The following COL9A1 variants were observed in gnomAD, a reference collection of about 807,000 sequenced individuals.
COL9A1 encodes collagen alpha-1(IX) chain.
COL9A1 carries 104 observed loss-of-function variants against 142.6 expected under a neutral mutation model. The observed-to-expected ratio is 0.73, with a 90% confidence interval of 0.62 to 0.86. The LOEUF is 0.86. Ranked by LOEUF, COL9A1 falls within the 40% of genes least tolerant of loss-of-function variation. The pLI is 0.00. For missense variants in COL9A1, 1,210 were observed against 1,176.6 expected (o/e 1.03, Z -0.42); for synonymous variants, 466 against 396.0 (o/e 1.18, Z -2.10).
intron 37 of COL9A1, among the ~76,000 whole-genome samples, chr6:70,220,354 T>TTAACTCTG (rs1768794656): frequency 6.7e-6 from 1 of 149,834 alleles, no homozygotes; most frequent in Non-Finnish European, 1.5e-5. Flanking sequence ...ATTGATTTTT[T>TTAACTCTG]TAACTCTGTG....
intron 36 of COL9A1, among the ~76,000 whole-genome samples, chr6:70,228,404 G>A (rs1769360875): frequency 6.6e-6 from 1 of 152,028 alleles, no homozygotes; most frequent in Non-Finnish European, 1.5e-5. Context: ...CTTTGTTGAA[G>A]GCATTATCCC....
At chr6:70,234,300 A>G (rs1333859370) in intron 35 of COL9A1, among the ~76,000 whole-genome samples, 1 of 104,404 alleles carries the variant, frequency 9.6e-6, no homozygotes, top group African/African-American at 2.7e-5. Flanking sequence ...AAAACAAAAC[A>G]AAACAAAAAA....
At chr6:70,290,431 A>C (rs1206605638) in intron 5 of COL9A1, among the ~76,000 whole-genome samples, 3 of 152,122 alleles carry the variant, frequency 2.0e-5, no homozygotes, top group Non-Finnish European at 4.4e-5. Flanking sequence ...ACAGCAGTGC[A>C]TTGGGAAAAA....
chr6:70,264,547 A>G (rs1409822534), intron 18 of COL9A1, among the ~76,000 whole-genome samples: 1 of 151,950 alleles, frequency 6.6e-6, no homozygotes, highest in African/African-American at 2.4e-5. Context: ...TTCTACTTCT[A>G]TTTCCCTACA....
intron 18 of COL9A1, 128 bp downstream of exon 18, chr6:70,266,589 A>C: frequency 1.2e-6 from 1 of 809,440 alleles, no homozygotes. Context: ...AGAACTTATC[A>C]ATCATTATTT....
In COL9A1 at chr6:70,283,825, A is replaced by G; in HGVS notation, c.697-5T>C. The G allele has an allele frequency of 6.2e-7, 1 of 1,600,798 alleles. No homozygotes were observed. The highest frequency in any genetic ancestry group is 1.1e-5 in the South Asian group (1 of 88,514). On this transcript the variant is annotated splice_polypyrimidine_tract_variant and splice_region_variant and intron_variant, in intron 5 of 37. Coordinates refer to ENST00000357250, the MANE Select transcript of COL9A1 (RefSeq NM_001851.6). The stretch of plus-strand genomic sequence containing the variant: ...CAGCATCCATTGAAGTTCAAACTGG[A>G]GAAAGGTAGTAGACAGTCAGGTAAG...
intron 37 of COL9A1, among the ~76,000 whole-genome samples, chr6:70,219,617 G>A (rs1768744534): frequency 1.3e-5 from 2 of 152,202 alleles, no homozygotes; most frequent in African/African-American, 2.4e-5. Context: ...AATATTCCAC[G>A]TAAGTGTTGG....
intron 36 of COL9A1, among the ~76,000 whole-genome samples, chr6:70,231,734 C>CCT (rs1367313942): frequency 6.6e-6 from 1 of 151,872 alleles, no homozygotes; most frequent in African/African-American, 2.4e-5. Flanking sequence ...AAAAAACAAC[C>CCT]CTCTCTTGTT....
rs12194091 is a variant in COL9A1 at position 70,263,111 on chromosome 6, G to A, written c.1395+133C>T. The A allele has an allele frequency of 0.17, 108,440 of 639,884 alleles. 10,244 individuals carry two copies. Among genetic ancestry groups the A allele is most frequent in the Non-Finnish European group, 0.2 (74,713 of 370,568 alleles). The allele number at this position is 639,884 out of a possible 1,614,324, so 39.6% of individuals were successfully genotyped here. A position where few individuals can be genotyped will look rare whatever the true frequency, so the allele number is the denominator to read the frequency against. On this transcript the variant is annotated intron_variant, in intron 19 of 37. Transcript: ENST00000357250. ...GAAGTAGTTATCCCCCAGTGCTGGCGTGGTGGAAAATAGAGGACACCAAGT... is the reference window on the plus strand; with the variant it reads ...GAAGTAGTTATCCCCCAGTGCTGGCATGGTGGAAAATAGAGGACACCAAGT...
At chr6:70,271,142 C>T (rs770018300) in intron 14 of COL9A1, among the ~76,000 whole-genome samples, 2 of 152,182 alleles carry the variant, frequency 1.3e-5, no homozygotes, top group Non-Finnish European at 2.9e-5. Context: ...TTTACAATTA[C>T]GCGCCTTCAC....
chr6:70,301,880 A>T (rs1033680765), intron 2 of COL9A1, 121 bp downstream of exon 2: 2 of 805,198 alleles, frequency 2.5e-6, no homozygotes, highest in Non-Finnish European at 4.2e-6. Context: ...CCAAAGCTGG[A>T]TTGAAGAGTG....
chr6:70,291,710 A>T (rs371939008), intron 5 of COL9A1, among the ~76,000 whole-genome samples: 2 of 152,294 alleles, frequency 1.3e-5, no homozygotes, highest in African/African-American at 4.8e-5. Flanking sequence ...TGCAAAGTAA[A>T]TTCTGAAGGA....
intron 5 of COL9A1, 66 bp downstream of exon 5, chr6:70,294,101 T>G: frequency 4.8e-4 from 761 of 1,574,074 alleles, no homozygotes; most frequent in Non-Finnish European, 6.0e-4. Flanking sequence ...CAAAGATGCT[T>G]GAGATGTTCA....
At chr6:70,295,348 G>A (rs367884857) in intron 4 of COL9A1, among the ~76,000 whole-genome samples, 6 of 136,072 alleles carry the variant, frequency 4.4e-5, no homozygotes, top group Admixed American at 8.3e-5. Context: ...GTGCAATGGC[G>A]CCATCTCAGC....
At position 70,251,985 on chromosome 6, in the gene COL9A1, A is replaced by G. The variant is rs1047521936; in HGVS notation, c.1872+135T>C. On this transcript the variant is annotated intron_variant, in intron 28 of 37. Coordinates refer to ENST00000357250, the MANE Select transcript of COL9A1 (RefSeq NM_001851.6). The stretch of plus-strand genomic sequence containing the variant: ...ATGCTGTGCATCTAAATAGCATTTC[A>G]TCTCCTTGTGTGTCTTGGACTAGCA... 2.6e-5 allele frequency: 24 copies of G among 940,198 alleles called. No homozygotes were observed. In the Admixed American group the frequency reaches 2.7e-4, roughly 11 times the overall value. The allele number at this position is 940,198 out of a possible 1,614,324, so 58.2% of individuals were successfully genotyped here. A position where few individuals can be genotyped will look rare whatever the true frequency, so the allele number is the denominator to read the frequency against.
chr6:70,299,400 G>A (rs1023617748), intron 4 of COL9A1, among the ~76,000 whole-genome samples: 2 of 151,984 alleles, frequency 1.3e-5, no homozygotes, highest in African/African-American at 4.8e-5. Context: ...AAGGTATTTA[G>A]GTGATATCAA....
intron 33 of COL9A1, 78 bp from the exon 34 acceptor site, chr6:70,235,018 T>C (rs369473513): frequency 1.2e-5 from 19 of 1,590,206 alleles, no homozygotes; most frequent in East Asian, 9.0e-5. Flanking sequence ...TAAACACTTA[T>C]ATGAAATTTG....
At chr6:70,288,183 T>G (rs889598367) in intron 5 of COL9A1, among the ~76,000 whole-genome samples, 3 of 152,202 alleles carry the variant, frequency 2.0e-5, no homozygotes, top group Non-Finnish European at 2.9e-5. Context: ...CTCATGTCAG[T>G]AAATGGCACG....
At chr6:70,256,602 C>T (rs547419555) in intron 21 of COL9A1, among the ~76,000 whole-genome samples, 166 bp downstream of exon 21, 19 of 151,510 alleles carry the variant, frequency 1.3e-4, no homozygotes, top group African/African-American at 4.6e-4. Context: ...TTCTATGTAC[C>T]CGAGAAAGAT....
Sources: gnomAD v4.1 joint callset for allele counts (sites outside exome capture counted in the v4.1 genomes callset) on GRCh38, gnomAD v4.1.1 for gene constraint, MANE v1.5 for transcripts, NCBI Gene and HGNC (gene_info 2026-07-23, HGNC 2026-07-21) for gene names.